NAALADL2: variants seen among roughly 807,000 people sequenced by gnomAD.
The protein encoded by NAALADL2 is N-acetylated alpha-linked acidic dipeptidase like 2.
A neutral mutation model predicts 87.2 loss-of-function variants in NAALADL2; 76 were observed. The ratio of observed to expected loss-of-function variants is 0.87; its 90% confidence interval spans 0.72 to 1.05. The LOEUF (loss-of-function observed/expected upper bound fraction) is 1.05. Among genes scored for constraint, NAALADL2 ranks in the 50% least tolerant of loss-of-function variants. The pLI is 0.00. For missense variants in NAALADL2, 1,089 were observed against 945.8 expected (o/e 1.15, Z -1.99); for synonymous variants, 354 against 331.0 (o/e 1.07, Z -0.75).
intron 1 of NAALADL2, among the ~76,000 whole-genome samples, chr3:174,521,571 C>CAAAAAAAAA (rs58465181): frequency 4.3e-3 from 243 of 56,098 alleles, no homozygotes; most frequent in East Asian, 7.0e-3. Flanking sequence ...GACCCTGTCT[C>CAAAAAAAAA]AAAAAAAAAA....
At chr3:175,103,714 A>T (rs1438948015) in intron 2 of NAALADL2, among the ~76,000 whole-genome samples, 1 of 152,272 alleles carries the variant, frequency 6.6e-6, no homozygotes, top group South Asian at 2.1e-4. Flanking sequence ...ATAGGGATGA[A>T]TTTTTCTTTT....
chr3:175,458,938 A>G (rs1273597757), intron 6 of NAALADL2, among the ~76,000 whole-genome samples: 1 of 152,044 alleles, frequency 6.6e-6, no homozygotes, highest in African/African-American at 2.4e-5. Context: ...GGCTTATCTC[A>G]TTGCACTATT....
At chr3:175,298,123 G>A (rs1204513334) in intron 4 of NAALADL2, among the ~76,000 whole-genome samples, 2 of 152,082 alleles carry the variant, frequency 1.3e-5, no homozygotes, top group Non-Finnish European at 2.9e-5. Context: ...AAACAAAGTG[G>A]CTAAATACTC....
At chr3:175,235,723 C>T (rs908888120) in intron 3 of NAALADL2, 1 of 152,212 alleles carries the variant, frequency 6.6e-6, no homozygotes, top group Non-Finnish European at 1.5e-5. Flanking sequence ...ACAGAACATT[C>T]ACAAAAACAC....
chr3:175,413,649 T>G (rs1714048154), intron 5 of NAALADL2, among the ~76,000 whole-genome samples: 1 of 151,574 alleles, frequency 6.6e-6, no homozygotes, highest in African/African-American at 2.4e-5. Flanking sequence ...AAGTTGTCAT[T>G]TAGAAAATTA....
intron 1 of NAALADL2, among the ~76,000 whole-genome samples, chr3:175,009,592 C>A (rs1749512365): frequency 6.6e-6 from 1 of 152,128 alleles, no homozygotes; most frequent in Non-Finnish European, 1.5e-5. Flanking sequence ...ATGATATCTG[C>A]AGATGCTATA....
chr3:174,885,710 CT>C (rs1228054360), intron 1 of NAALADL2, among the ~76,000 whole-genome samples: 6 of 150,844 alleles, frequency 4.0e-5, no homozygotes, highest in African/African-American at 7.4e-5. Flanking sequence ...AGAAGCACCC[CT>C]GGTACCAAAA....
intron 6 of NAALADL2, among the ~76,000 whole-genome samples, chr3:175,457,311 C>T (rs545374594): frequency 4.6e-5 from 7 of 152,070 alleles, no homozygotes; most frequent in Non-Finnish European, 1.0e-4. Context: ...ATCTCTGGTG[C>T]TGCTACTACC....
At chr3:174,456,850 A>G (rs1715872040) in intron 1 of NAALADL2, among the ~76,000 whole-genome samples, 1 of 152,184 alleles carries the variant, frequency 6.6e-6, no homozygotes, top group Non-Finnish European at 1.5e-5. Context: ...AATTGCAGCA[A>G]AAGCAAAAAA....
intron 2 of NAALADL2, among the ~76,000 whole-genome samples, chr3:174,630,503 A>C (rs1326528838): frequency 6.6e-6 from 1 of 152,210 alleles, no homozygotes; most frequent in Non-Finnish European, 1.5e-5. Context: ...ATTCAAAAAA[A>C]CAGGAGTGGA....
intron 1 of NAALADL2, among the ~76,000 whole-genome samples, chr3:174,988,592 G>T (rs1377869175): frequency 6.6e-6 from 1 of 152,082 alleles, no homozygotes; most frequent in Admixed American, 6.6e-5. Flanking sequence ...TGATCAAGGT[G>T]TTGGCAGAGC....
chr3:175,211,758 G>A (rs1428073719), intron 2 of NAALADL2, among the ~76,000 whole-genome samples: 1 of 151,938 alleles, frequency 6.6e-6, no homozygotes, highest in Non-Finnish European at 1.5e-5. Context: ...ATAACACATT[G>A]TGATGTGCAA....
intron 5 of NAALADL2, among the ~76,000 whole-genome samples, chr3:175,420,271 G>T (rs114006897): frequency 1.3e-5 from 2 of 151,928 alleles, no homozygotes; most frequent in Non-Finnish European, 2.9e-5. Context: ...GTTTAGATTG[G>T]CACTTTCATC....
chr3:175,199,835 TATATATATATATATATA>T (rs1739581929), intron 2 of NAALADL2, among the ~76,000 whole-genome samples: 2 of 11,252 alleles, frequency 1.8e-4, no homozygotes, highest in East Asian at 2.5e-3. Context: ...TATATATATA[TATATATATATATATATA>T]TATATATATA....
chr3:175,743,887 C>A (rs188913286), intron 12 of NAALADL2, among the ~76,000 whole-genome samples: 1 of 152,280 alleles, frequency 6.6e-6, no homozygotes, highest in East Asian at 1.9e-4. Flanking sequence ...AAGAGAGTAT[C>A]TCTATGTGGA....
chr3:174,927,971 A>T (rs1395156598), intron 1 of NAALADL2, among the ~76,000 whole-genome samples: 1 of 152,218 alleles, frequency 6.6e-6, no homozygotes, highest in African/African-American at 2.4e-5. Flanking sequence ...ACACAGGTAG[A>T]AATAGTCTAA....
chr3:174,492,448 A>G (rs1718262886), intron 1 of NAALADL2, among the ~76,000 whole-genome samples: 1 of 152,156 alleles, frequency 6.6e-6, no homozygotes, highest in African/African-American at 2.4e-5. Context: ...ATTTTTGGAA[A>G]ACAAAGACTG....
intron 5 of NAALADL2, among the ~76,000 whole-genome samples, chr3:175,423,028 AATATATATATAT>A (rs71634273): frequency 4.5e-5 from 5 of 111,320 alleles, no homozygotes; most frequent in Non-Finnish European, 6.8e-5. Flanking sequence ...GAAAAAAAAA[AATATATATATAT>A]ATATATATAT....
At chr3:175,179,271 G>A (rs1324179319) in intron 2 of NAALADL2, among the ~76,000 whole-genome samples, 2 of 152,040 alleles carry the variant, frequency 1.3e-5, no homozygotes, top group South Asian at 4.1e-4. Flanking sequence ...AGCTAACTCA[G>A]TGCCAGGAAG....
Sources: gnomAD v4.1 joint callset for allele counts (sites outside exome capture counted in the v4.1 genomes callset) on GRCh38, gnomAD v4.1.1 for gene constraint, MANE v1.5 for transcripts, NCBI Gene and HGNC (gene_info 2026-07-23, HGNC 2026-07-21) for gene names.